Variants in TAFA4 observed in about 807,000 individuals in gnomAD.
TAFA4 encodes TAFA chemokine like family member 4.
A neutral mutation model predicts 21.1 loss-of-function variants in TAFA4; 20 were observed. That is an observed-to-expected ratio of 0.95 (90% CI 0.67 to 1.38). The LOEUF is 1.38. TAFA4 is among the 40% of genes most tolerant of loss of function. TAFA4 has a pLI of 0.00. For synonymous variants in TAFA4, 71 were observed against 67.4 expected (o/e 1.05, Z -0.26); for missense variants, 211 against 180.9 (o/e 1.17, Z -0.95).
intron 4 of TAFA4, among the ~76,000 whole-genome samples, chr3:68,747,484 G>A (rs1702481286): frequency 6.6e-6 from 1 of 152,102 alleles, no homozygotes; most frequent in Non-Finnish European, 1.5e-5. Flanking sequence ...CCTGCCTGCT[G>A]CCATGTAAGA....
At position 68,827,269 on chromosome 3, in the gene TAFA4, T is replaced by C. The variant is rs573673387; in HGVS notation, c.130+53461A>G. The stretch of plus-strand genomic sequence containing the variant: ...CATGGCGTGTATGTGCCACATTTTC[T>C]TTATCCAGTCTATTATTGATGGACA... On this transcript the variant is annotated intron_variant, in intron 3 of 5. Transcript: ENST00000295569. Among the ~76,000 whole-genome samples, 5 of 152,354 alleles carry C rather than the reference T, an allele frequency of 3.3e-5. No individual in the cohort carries two copies. In the South Asian group the frequency reaches 6.2e-4, roughly 19 times the overall value.
chr3:68,804,722 A>C (rs1262067684), intron 3 of TAFA4, among the ~76,000 whole-genome samples: 1 of 152,312 alleles, frequency 6.6e-6, no homozygotes, highest in Admixed American at 6.5e-5. Context: ...CTATTTAATA[A>C]ATGGTGCTGG....
chr3:68,909,085 C>A (rs1237553979), intron 1 of TAFA4, among the ~76,000 whole-genome samples: 1 of 152,126 alleles, frequency 6.6e-6, no homozygotes, highest in South Asian at 2.1e-4. Flanking sequence ...ATTTATGTAT[C>A]TGCTTGTAGC....
chr3:68,918,311 G>A (rs1001483180), intron 1 of TAFA4, among the ~76,000 whole-genome samples: 6 of 151,994 alleles, frequency 3.9e-5, no homozygotes, highest in Non-Finnish European at 8.8e-5. Flanking sequence ...AAAAATCAGC[G>A]CACTGTCAAC....
At chr3:68,783,730 AAAGAAAGAAAGAAAGT>A (rs1333163380) in intron 3 of TAFA4, among the ~76,000 whole-genome samples, 1 of 151,004 alleles carries the variant, frequency 6.6e-6, no homozygotes, top group African/African-American at 2.4e-5. Context: ...AGAAAGAAAG[AAAGAAAGAAAGAAAGT>A]AAGAAAGAAA....
At chr3:68,738,916 G>A (rs1702292376) in intron 5 of TAFA4, among the ~76,000 whole-genome samples, 159 bp downstream of exon 5, 1 of 152,168 alleles carries the variant, frequency 6.6e-6, no homozygotes, top group South Asian at 2.1e-4. Context: ...ATGATGCCGG[G>A]AAATGCGCTT....
intron 3 of TAFA4, among the ~76,000 whole-genome samples, chr3:68,805,290 A>G (rs1239778649): frequency 9.2e-5 from 14 of 152,236 alleles, no homozygotes; most frequent in Non-Finnish European, 1.5e-4. Flanking sequence ...CGATCATTAA[A>G]AAGTCAGGAA....
At chr3:68,909,054 G>A (rs2089930518) in intron 1 of TAFA4, among the ~76,000 whole-genome samples, 1 of 152,152 alleles carries the variant, frequency 6.6e-6, no homozygotes, top group African/African-American at 2.4e-5. Flanking sequence ...TTTTAGTTTT[G>A]TTTAATTCTA....
At chr3:68,762,895 G>A (rs182295938) in intron 3 of TAFA4, among the ~76,000 whole-genome samples, 21 of 152,280 alleles carry the variant, frequency 1.4e-4, no homozygotes, top group South Asian at 2.1e-4. Context: ...AAAATTAGCC[G>A]GGTGTGGTGG....
chr3:68,863,522 T>A (rs1388539282), intron 3 of TAFA4, among the ~76,000 whole-genome samples: 1 of 152,176 alleles, frequency 6.6e-6, no homozygotes, highest in African/African-American at 2.4e-5. Context: ...CCATCCCTAA[T>A]AGTCCAAAGT....
chr3:68,867,360 G>A (rs1165972507), intron 3 of TAFA4, among the ~76,000 whole-genome samples: 2 of 152,060 alleles, frequency 1.3e-5, no homozygotes, highest in East Asian at 3.9e-4. Context: ...AAGGACAGAT[G>A]AAGTCTTTCC....
intron 3 of TAFA4, among the ~76,000 whole-genome samples, chr3:68,870,387 C>A (rs1015130035): frequency 6.6e-6 from 1 of 151,874 alleles, no homozygotes. Context: ...CCCAAAATAA[C>A]CAAAACAATC....
intron 3 of TAFA4, among the ~76,000 whole-genome samples, chr3:68,831,747 A>C (rs1704400525): frequency 6.6e-6 from 1 of 152,140 alleles, no homozygotes; most frequent in Non-Finnish European, 1.5e-5. Context: ...AGGTTGGGGA[A>C]GTTCTCCTGG....
At chr3:68,775,563 G>A (rs1162619667) in intron 3 of TAFA4, among the ~76,000 whole-genome samples, 1 of 152,118 alleles carries the variant, frequency 6.6e-6, no homozygotes, top group Non-Finnish European at 1.5e-5. Flanking sequence ...CTTTGGGGAG[G>A]GGACAAGAGC....
At position 68,848,826 on chromosome 3, in the gene TAFA4, G is replaced by A. The variant is rs149012010; in HGVS notation, c.130+31904C>T. On this transcript the variant is annotated intron_variant, in intron 3 of 5. Coordinates refer to ENST00000295569, the MANE Select transcript of TAFA4 (RefSeq NM_182522.5). ...CCATCTTGGAGTGGGAACATGCACA[G>A]CTCCTGGTGCATGCAAAGTGACAGG... is the stretch of plus-strand genomic sequence containing the variant. 3.9e-4 allele frequency among the ~76,000 whole-genome samples: 59 copies of A among 152,118 alleles called. No homozygotes were observed. In the East Asian group the frequency reaches 9.3e-3, roughly 24 times the overall value.
chr3:68,778,354 T>C (rs1703087129), intron 3 of TAFA4, among the ~76,000 whole-genome samples: 1 of 152,164 alleles, frequency 6.6e-6, no homozygotes, highest in Admixed American at 6.5e-5. Flanking sequence ...GATAACAACA[T>C]AATCCTAAAT....
intron 3 of TAFA4, among the ~76,000 whole-genome samples, chr3:68,819,478 T>G (rs766779657): frequency 6.6e-6 from 1 of 152,100 alleles, no homozygotes; most frequent in Non-Finnish European, 1.5e-5. Flanking sequence ...ACCATTGAGT[T>G]TGGGTATTTG....
chr3:68,753,048 C>A (rs1702588288), intron 3 of TAFA4, 30 bp from the exon 4 acceptor site: 1 of 1,601,170 alleles, frequency 6.2e-7, no homozygotes, highest in Admixed American at 1.7e-5. Flanking sequence ...AAAAACAAAC[C>A]CAGTGCTGTT....
chr3:68,748,410 C>T (rs1415279896), intron 4 of TAFA4, among the ~76,000 whole-genome samples: 2 of 152,186 alleles, frequency 1.3e-5, no homozygotes, highest in African/African-American at 4.8e-5. Context: ...GTCTGCAGTC[C>T]ACACAGTAAC....
Sources: allele counts gnomAD v4.1 joint callset (sites outside exome capture counted in the v4.1 genomes callset), GRCh38; gene constraint gnomAD v4.1.1; transcripts MANE v1.5; gene names NCBI Gene and HGNC (gene_info 2026-07-23, HGNC 2026-07-21).